KCNC2: variants seen among roughly 807,000 people sequenced by gnomAD.
KCNC2 encodes voltage-gated potassium channel KCNC2.
In KCNC2, 21 loss-of-function variants were observed where a neutral mutation model predicts 44.5. The ratio of observed to expected loss-of-function variants is 0.47; its 90% CI spans 0.33 to 0.68. KCNC2 has a LOEUF of 0.68. KCNC2 is among the 30% of genes least tolerant of loss of function. The pLI is 0.01. For synonymous variants in KCNC2, 391 were observed against 339.1 expected, an observed-to-expected ratio of 1.15 and a Z score of -1.68; for missense variants, 589 against 826.2, an observed-to-expected ratio of 0.71 and a Z score of 3.52.
chr12:75,149,277 T>C (rs894535461), intron 2 of KCNC2, among the ~76,000 whole-genome samples: 1 of 151,788 alleles, frequency 6.6e-6, no homozygotes, highest in African/African-American at 2.4e-5. Context: ...GTAGCAGTAA[T>C]ATTAATATTA....
intron 2 of KCNC2, among the ~76,000 whole-genome samples, chr12:75,165,810 A>G (rs1392510261): frequency 6.6e-6 from 1 of 151,566 alleles, no homozygotes; most frequent in Non-Finnish European, 1.5e-5. Context: ...ATAACAACAT[A>G]CTAATATTTC....
intron 2 of KCNC2, among the ~76,000 whole-genome samples, chr12:75,186,736 A>G (rs1458229862): frequency 2.6e-5 from 4 of 152,192 alleles, no homozygotes; most frequent in African/African-American, 9.6e-5. Context: ...TTTCATGAAG[A>G]GATTCTTATT....
chr12:75,192,066 A>G (rs2137719492), intron 2 of KCNC2, among the ~76,000 whole-genome samples: 1 of 152,296 alleles, frequency 6.6e-6, no homozygotes, highest in Admixed American at 6.5e-5. Context: ...ATTCAGTTTT[A>G]CATGTAATAG....
chr12:75,127,741 T>C (rs1888537883), intron 2 of KCNC2, among the ~76,000 whole-genome samples: 1 of 152,150 alleles, frequency 6.6e-6, no homozygotes, highest in Non-Finnish European at 1.5e-5. Context: ...AGTGGAGACT[T>C]TTCTCCAAGC....
chr12:75,207,389 C>G lies in KCNC2; in HGVS notation c.595G>C (p.Gly199Arg), dbSNP rs777889019. ...RLGIEDAAGLGGPDGKSGRWR... is the reference protein window; with the variant it reads ...RLGIEDAAGLRGPDGKSGRWR... ...CGGCCAGATTTGCCGTCGGGGCCCCCGAGCCCCGCCGCGTCCTCGATGCCC... is the reference window on the plus strand; with the variant it reads ...CGGCCAGATTTGCCGTCGGGGCCCCGGAGCCCCGCCGCGTCCTCGATGCCC... The change falls in exon 2 of 5, where the codon GGG becomes CGG. Residue 199 changes from glycine (G) to arginine (R), a missense_variant. This residue lies in a region of KCNC2 where 97 missense variants were observed against 73.3 expected (regional missense o/e 1.32). Coordinates refer to ENST00000549446, the MANE Select transcript of KCNC2 (RefSeq NM_139137.4). The surrounding 1 kb of genome is among the most constrained non-coding windows in gnomAD (Gnocchi z 4.1). 2 of 1,583,606 alleles carry G rather than the reference C, an allele frequency of 1.3e-6. No homozygotes were observed. Among genetic ancestry groups the G allele is most frequent in the South Asian group, 1.1e-5 (1 of 87,344 alleles).
In KCNC2 at chr12:75,121,442, T is replaced by C. The variant is rs535002838; in HGVS notation, c.688-70125A>G. 8.5e-5 allele frequency among the ~76,000 whole-genome samples: 13 copies of C among 152,278 alleles called. No individual in the cohort carries two copies. The South Asian group carries it at 2.5e-3, about 29-fold the overall frequency. The stretch of plus-strand genomic sequence containing the variant: ...CAAGAAGGAATGGATACTAAACAAG[T>C]AATCACACACATAACTAGAAAATGT... On this transcript the variant is annotated intron_variant, in intron 2 of 4. Coordinates refer to ENST00000549446, the MANE Select transcript of KCNC2 (RefSeq NM_139137.4).
chr12:75,074,599 C>T (rs1883743108), intron 2 of KCNC2, among the ~76,000 whole-genome samples: 2 of 152,068 alleles, frequency 1.3e-5, no homozygotes, highest in Non-Finnish European at 2.9e-5. Context: ...TCTTGGCCCC[C>T]GCATGTAATT....
At chr12:75,170,160 G>A (rs967556234) in intron 2 of KCNC2, among the ~76,000 whole-genome samples, 1 of 151,694 alleles carries the variant, frequency 6.6e-6, no homozygotes, top group African/African-American at 2.4e-5. Flanking sequence ...AAAAGTAGAT[G>A]AAAATGGCTT....
intron 2 of KCNC2, among the ~76,000 whole-genome samples, chr12:75,076,833 A>C (rs73357095): frequency 7.5e-4 from 115 of 152,322 alleles, no homozygotes; most frequent in African/African-American, 2.5e-3. Flanking sequence ...CAAATATTTT[A>C]TAAGAATTAT....
chr12:75,122,714 T>C (rs1888130572), intron 2 of KCNC2, among the ~76,000 whole-genome samples: 1 of 152,138 alleles, frequency 6.6e-6, no homozygotes, highest in African/African-American at 2.4e-5. Flanking sequence ...CATGTTTTTG[T>C]TCATCTATGA....
At chr12:75,078,014 C>T (rs1029356866) in intron 2 of KCNC2, among the ~76,000 whole-genome samples, 9 of 152,138 alleles carry the variant, frequency 5.9e-5, no homozygotes, top group African/African-American at 1.7e-4. Context: ...CTCAAATTCT[C>T]GGGATATATT....
At chr12:75,189,782 A>C (rs1372281071) in intron 2 of KCNC2, among the ~76,000 whole-genome samples, 1 of 152,174 alleles carries the variant, frequency 6.6e-6, no homozygotes, top group East Asian at 1.9e-4. Context: ...GTTCATATCT[A>C]ATGCAATTAC....
At chr12:75,160,167 C>T (rs1423321292) in intron 2 of KCNC2, among the ~76,000 whole-genome samples, 1 of 151,646 alleles carries the variant, frequency 6.6e-6, no homozygotes, top group African/African-American at 2.4e-5. Flanking sequence ...GCCCTAATCC[C>T]ATATAATTGC....
intron 2 of KCNC2, among the ~76,000 whole-genome samples, chr12:75,191,796 G>C (rs544122426): frequency 6.6e-5 from 10 of 151,556 alleles, no homozygotes; most frequent in Admixed American, 2.6e-4. Context: ...TGATCCACCC[G>C]CCTCGGCCTC....
intron 4 of KCNC2, among the ~76,000 whole-genome samples, chr12:75,046,154 A>T (rs1368190075): frequency 6.6e-6 from 1 of 151,718 alleles, no homozygotes; most frequent in African/African-American, 2.4e-5. Flanking sequence ...AATGAAAAAG[A>T]GTTGATTATG....
At chr12:75,086,424 A>C (rs528529695) in intron 2 of KCNC2, among the ~76,000 whole-genome samples, 224 of 152,146 alleles carry the variant, frequency 1.5e-3, no homozygotes, top group Non-Finnish European at 2.7e-3. Context: ...GATAAAAAAT[A>C]AAATGCAGTT....
Position 75,042,069 on chromosome 12 carries a change from T to C in KCNC2, c.*1036A>G, listed in dbSNP as rs751221848. ...AATTTAAGGCTAGTCAAAAAAGCCT[T>C]CTGTGAACACCAGTGACATTTGATG... On this transcript the variant is annotated 3_prime_UTR_variant, in exon 5 of 5. Transcript: ENST00000549446. 7.6e-5 allele frequency: 90 copies of C among 1,190,756 alleles called. No individual in the cohort carries two copies. The highest frequency in any genetic ancestry group is 9.2e-5 in the Non-Finnish European group (89 of 962,642). 73.8% of individuals were successfully genotyped at this position (1,190,756 alleles called of 1,614,324 possible). A position where few individuals can be genotyped will look rare whatever the true frequency, so the allele number is the denominator to read the frequency against.
intron 2 of KCNC2, among the ~76,000 whole-genome samples, chr12:75,098,449 C>T (rs1408947339): frequency 2.0e-5 from 3 of 152,044 alleles, no homozygotes; most frequent in Non-Finnish European, 2.9e-5. Flanking sequence ...TCTTAAATTG[C>T]GTTGGTCTGG....
At chr12:75,112,897 A>G (rs1404769345) in intron 2 of KCNC2, among the ~76,000 whole-genome samples, 3 of 152,112 alleles carry the variant, frequency 2.0e-5, no homozygotes, top group African/African-American at 4.8e-5. Context: ...CCACTTTACA[A>G]TTGCCTACGG....
Sources: allele counts gnomAD v4.1 joint callset (sites outside exome capture counted in the v4.1 genomes callset), GRCh38; gene constraint gnomAD v4.1.1; regional missense constraint gnomAD v4.1.1; non-coding constraint Gnocchi (gnomAD v3.1); transcripts MANE v1.5; gene names NCBI Gene and HGNC (gene_info 2026-07-23, HGNC 2026-07-21).